The following KLF12 variants were observed in gnomAD, a reference collection of about 807,000 sequenced individuals.
KLF12 encodes the protein Krueppel-like factor 12.
In KLF12, 9 loss-of-function variants were observed where a neutral mutation model predicts 37.8. That is an observed-to-expected ratio of 0.24 (90% CI 0.14 to 0.42). The LOEUF is 0.42. KLF12 is among the 10% of genes least tolerant of loss of function. The pLI, the probability that KLF12 is intolerant of heterozygous loss-of-function variation, is 1.00. For synonymous variants in KLF12, 208 were observed against 202.1 expected, an observed-to-expected ratio of 1.03 and a Z score of -0.25; for missense variants, 411 against 516.0, an observed-to-expected ratio of 0.80 and a Z score of 1.97.
chr13:73,781,433 A>G (rs1411240406), intron 5 of KLF12, among the ~76,000 whole-genome samples: 2 of 152,216 alleles, frequency 1.3e-5, no homozygotes, highest in Non-Finnish European at 2.9e-5. Context: ...ATCTTTCTCC[A>G]TCATTGTTAT....
At chr13:73,725,344 C>A (rs1045904650) in intron 6 of KLF12, among the ~76,000 whole-genome samples, 3 of 152,196 alleles carry the variant, frequency 2.0e-5, no homozygotes, top group Admixed American at 6.5e-5. Flanking sequence ...TCGTGATCTG[C>A]CTGCCTTGGC....
At chr13:73,699,696 A>C in intron 7 of KLF12, among the ~76,000 whole-genome samples, 1 of 152,192 alleles carries the variant, frequency 6.6e-6, no homozygotes, top group East Asian at 1.9e-4. Flanking sequence ...TGAGTCTGGG[A>C]AGTGGGGTTA....
At chr13:73,806,517 C>A (rs1882637247) in intron 5 of KLF12, among the ~76,000 whole-genome samples, 1 of 152,000 alleles carries the variant, frequency 6.6e-6, no homozygotes, top group Non-Finnish European at 1.5e-5. Flanking sequence ...GTGTGCACCA[C>A]AGCACCCAGC....
At chr13:74,174,527 C>T in the KLF12 span, among the ~76,000 whole-genome samples, 1 of 152,060 alleles carries the variant, frequency 6.6e-6, no homozygotes, top group Non-Finnish European at 1.5e-5. Flanking sequence ...GCGTGAGCCA[C>T]CATGCCTGGC....
the KLF12 span, among the ~76,000 whole-genome samples, chr13:74,219,145 A>G: frequency 2.0e-5 from 3 of 151,996 alleles, no homozygotes; most frequent in African/African-American, 2.4e-5. Context: ...TTGTAGAGAC[A>G]AGGTTTCACC....
intron 1 of KLF12, among the ~76,000 whole-genome samples, chr13:73,999,962 C>G (rs138845158): frequency 6.6e-6 from 1 of 152,312 alleles, no homozygotes; most frequent in African/African-American, 2.4e-5. Flanking sequence ...GAAGGAACAT[C>G]AGCCTTAACA....
intron 4 of KLF12, among the ~76,000 whole-genome samples, chr13:73,817,005 T>A (rs1269408715): frequency 6.6e-6 from 1 of 152,130 alleles, no homozygotes; most frequent in East Asian, 1.9e-4. Flanking sequence ...CTCACAGAAT[T>A]TGAGCAAATA....
intron 1 of KLF12, among the ~76,000 whole-genome samples, chr13:74,120,284 C>G (rs1877551350): frequency 1.3e-5 from 2 of 152,182 alleles, no homozygotes; most frequent in South Asian, 4.1e-4. Flanking sequence ...GAGTTCAAGA[C>G]CAGCCAGGCC....
chr13:74,019,510 AG>A (rs1363588464), intron 1 of KLF12, among the ~76,000 whole-genome samples: 1 of 152,352 alleles, frequency 6.6e-6, no homozygotes, highest in East Asian at 1.9e-4. Flanking sequence ...TCTGTCAAGA[AG>A]CTTACTCATA....
the KLF12 span, among the ~76,000 whole-genome samples, chr13:74,286,433 G>T: frequency 6.6e-6 from 1 of 152,160 alleles, no homozygotes; most frequent in Admixed American, 6.5e-5. Flanking sequence ...AAGACAAGAT[G>T]AAAAGGGAAA....
chr13:74,171,042 G>C, the KLF12 span, among the ~76,000 whole-genome samples: 1 of 152,132 alleles, frequency 6.6e-6, no homozygotes, highest in African/African-American at 2.4e-5. Context: ...TGGGATTACA[G>C]GTGTGACCCA....
At chr13:74,200,904 G>A in the KLF12 span, among the ~76,000 whole-genome samples, 1 of 151,962 alleles carries the variant, frequency 6.6e-6, no homozygotes, top group Non-Finnish European at 1.5e-5. Context: ...GTTCCCTTTT[G>A]GTTCTGGAGC....
intron 3 of KLF12, among the ~76,000 whole-genome samples, chr13:73,930,512 ATCAT>A (rs1889614974): frequency 6.6e-6 from 1 of 152,218 alleles, no homozygotes; most frequent in Admixed American, 6.5e-5. Flanking sequence ...TTTAAAAACC[ATCAT>A]TCATTTAACT....
At chr13:74,094,393 T>C (rs963278686) in intron 1 of KLF12, among the ~76,000 whole-genome samples, 2 of 152,094 alleles carry the variant, frequency 1.3e-5, no homozygotes, top group African/African-American at 2.4e-5. Flanking sequence ...TGGACTTCCA[T>C]AGCACTGTGC....
intron 5 of KLF12, among the ~76,000 whole-genome samples, chr13:73,792,012 G>A (rs2138273877): frequency 6.6e-6 from 1 of 152,314 alleles, no homozygotes; most frequent in African/African-American, 2.4e-5. Context: ...TTATAGACAT[G>A]TAGTTCCTAT....
the KLF12 span, among the ~76,000 whole-genome samples, chr13:74,192,780 C>T: frequency 6.6e-6 from 1 of 152,284 alleles, no homozygotes; most frequent in South Asian, 2.1e-4. Context: ...CTGTGGACTT[C>T]TCCAAATAAT....
At chr13:73,812,065 T>C (rs1882966892) in intron 5 of KLF12, among the ~76,000 whole-genome samples, 2 of 152,178 alleles carry the variant, frequency 1.3e-5, no homozygotes, top group South Asian at 2.1e-4. Context: ...AACAAGTATG[T>C]CAGCAATAAC....
chr13:73,930,860 A>ATTTT (rs11432866), intron 3 of KLF12, among the ~76,000 whole-genome samples: 137 of 109,448 alleles, frequency 1.3e-3, no homozygotes, highest in East Asian at 1.9e-3. Context: ...AACTGGAAAC[A>ATTTT]TTTTTTTTTT....
intron 6 of KLF12, among the ~76,000 whole-genome samples, chr13:73,742,429 A>G (rs1166992358): frequency 6.6e-6 from 1 of 152,170 alleles, no homozygotes; most frequent in Non-Finnish European, 1.5e-5. Context: ...ACTTTTTGGT[A>G]TTCAAATCTT....
Sources: allele counts gnomAD v4.1 joint callset (sites outside exome capture counted in the v4.1 genomes callset), GRCh38; gene constraint gnomAD v4.1.1; transcripts MANE v1.5; gene names NCBI Gene and HGNC (gene_info 2026-07-23, HGNC 2026-07-21).